IPO11: variants seen among roughly 807,000 people sequenced by gnomAD.
IPO11 encodes the protein importin-11.
In IPO11, 66 loss-of-function variants were observed where a neutral mutation model predicts 143.2. That is an observed-to-expected ratio of 0.46 (90% confidence interval 0.38 to 0.57). The LOEUF (loss-of-function observed/expected upper bound fraction) is 0.57, where lower values mean the gene tolerates loss of function less well. Ranked by LOEUF, IPO11 falls within the 20% of genes least tolerant of loss-of-function variation. The pLI is 0.00. For synonymous variants in IPO11, 385 were observed against 377.8 expected, an observed-to-expected ratio of 1.02 and a Z score of -0.22; for missense variants, 1,026 against 1,141.0, an observed-to-expected ratio of 0.90 and a Z score of 1.45.
chr5:62,487,882 A>C, intron 13 of IPO11, 21 bp downstream of exon 13: 1 of 1,592,902 alleles, frequency 6.3e-7, no homozygotes, highest in Non-Finnish European at 8.6e-7. Context: ...TTTTGTGATT[A>C]ACTTTGAGTT....
At chr5:62,504,921 AT>A (rs759499855) in intron 18 of IPO11, 23 bp downstream of exon 18, 85 of 1,419,752 alleles carry the variant, frequency 6.0e-5, no homozygotes, top group Non-Finnish European at 6.7e-5. Context: ...ATTTCCAGGT[AT>A]TTTTTTTAAA....
At chr5:62,472,287 CT>C (rs529700258) in intron 7 of IPO11, among the ~76,000 whole-genome samples, 8 of 152,028 alleles carry the variant, frequency 5.3e-5, no homozygotes, top group African/African-American at 1.9e-4. Context: ...TTATGTTTAT[CT>C]TTTTTTAAGT....
chr5:62,530,881 A>G (rs2112313346), intron 22 of IPO11, 96 bp downstream of exon 22: 1 of 892,300 alleles, frequency 1.1e-6, no homozygotes, highest in Non-Finnish European at 1.8e-6. Flanking sequence ...CAAAGTTGTA[A>G]GTTCAACTTC....
chr5:62,550,430 C>T lies in IPO11; in HGVS notation c.2314C>T (p.Pro772Ser). The T allele has an allele frequency of 1.2e-6, 2 of 1,612,804 alleles. No individual in the cohort carries two copies. Among genetic ancestry groups the T allele is most frequent in the Non-Finnish European group, 1.7e-6 (2 of 1,179,242 alleles). The change falls in exon 25 of 30, where the codon CCC becomes TCC. Residue 772 changes from proline (P) to serine (S), a missense_variant. By Grantham distance (74) the Pro-to-Ser change is moderately conservative. This residue lies in a region of IPO11 where 351 missense variants were observed against 358.9 expected (regional missense o/e 0.98). Transcript: ENST00000325324. ...LGPQMFQPIL[P>S]YVFKGIIEGE... is the part of the protein sequence containing the mutation. ...TCCACAAATGTTTCAACCGATTTTA[C>T]CCTATGTTTTCAAGGGTATTATAGA... is the stretch of plus-strand genomic sequence containing the variant.
intron 27 of IPO11, among the ~76,000 whole-genome samples, chr5:62,590,082 A>G (rs1283896040): frequency 1.3e-5 from 2 of 152,232 alleles, no homozygotes; most frequent in African/African-American, 4.8e-5. Context: ...TTTAGCCGCT[A>G]GCAGCTGTGG....
At chr5:62,579,867 G>A in intron 27 of IPO11, 9 of 1,549,650 alleles carry the variant, frequency 5.8e-6, no homozygotes, top group African/African-American at 1.4e-5. Flanking sequence ...AGTATAATCA[G>A]GTATCTTTTG....
At chr5:62,557,902 C>T (rs536536254) in intron 26 of IPO11, among the ~76,000 whole-genome samples, 6 of 152,314 alleles carry the variant, frequency 3.9e-5, no homozygotes, top group African/African-American at 9.6e-5. Flanking sequence ...GCCTTCTCTC[C>T]TCAGGCTTTT....
chr5:62,553,174 T>C (rs1054542141), intron 26 of IPO11, among the ~76,000 whole-genome samples: 2 of 152,222 alleles, frequency 1.3e-5, no homozygotes, highest in African/African-American at 4.8e-5. Context: ...GAGGTCATCT[T>C]TTTTAGCTTC....
At chr5:62,561,366 T>A in intron 27 of IPO11, 109 bp downstream of exon 27, 1 of 502,580 alleles carries the variant, frequency 2.0e-6, no homozygotes, top group Non-Finnish European at 3.1e-6. Context: ...CTTTTATATA[T>A]ATGGATGTGA....
At chr5:62,416,901 T>G (rs1419007015) in intron 1 of IPO11, among the ~76,000 whole-genome samples, 1 of 151,824 alleles carries the variant, frequency 6.6e-6, no homozygotes, top group African/African-American at 2.4e-5. Context: ...GGCTAATTTT[T>G]GAATTTTTTT....
At chr5:62,598,774 A>ACCTCAAGTGATCTGCTTGCCACAGAC (rs1447670481) in intron 28 of IPO11, among the ~76,000 whole-genome samples, 1 of 151,232 alleles carries the variant, frequency 6.6e-6, no homozygotes, top group Non-Finnish European at 1.5e-5. Context: ...TGAACTCCTG[A>ACCTCAAGTGATCTGCTTGCCACAGAC]CCTCAAGTGA....
At chr5:62,454,850 A>G (rs1284227828) in intron 5 of IPO11, among the ~76,000 whole-genome samples, 1 of 152,138 alleles carries the variant, frequency 6.6e-6, no homozygotes, top group Non-Finnish European at 1.5e-5. Flanking sequence ...AGAACAGGAG[A>G]CTTATTCTTA....
chr5:62,431,383 G>GA (rs397818422), intron 1 of IPO11, among the ~76,000 whole-genome samples: 1 of 150,462 alleles, frequency 6.6e-6, no homozygotes, highest in Non-Finnish European at 1.5e-5. Context: ...AAATTCCAGG[G>GA]CAATTTTTTG....
At chr5:62,507,055 G>A (rs1741577597) in intron 19 of IPO11, among the ~76,000 whole-genome samples, 2 of 152,170 alleles carry the variant, frequency 1.3e-5, no homozygotes, top group Admixed American at 1.3e-4. Context: ...TAAAGCAGTT[G>A]ATGAGAATAG....
At chr5:62,557,900 T>G (rs1310538957) in intron 26 of IPO11, among the ~76,000 whole-genome samples, 1 of 152,240 alleles carries the variant, frequency 6.6e-6, no homozygotes, top group Non-Finnish European at 1.5e-5. Context: ...CTGCCTTCTC[T>G]CCTCAGGCTT....
intron 15 of IPO11, among the ~76,000 whole-genome samples, chr5:62,493,727 C>T (rs1476120876): frequency 3.3e-5 from 5 of 152,140 alleles, no homozygotes; most frequent in Non-Finnish European, 7.4e-5. Flanking sequence ...TGCCACCACG[C>T]CCTGCTAATT....
chr5:62,522,251 T>C (rs1325219790), intron 20 of IPO11, among the ~76,000 whole-genome samples: 1 of 151,430 alleles, frequency 6.6e-6, no homozygotes, highest in Non-Finnish European at 1.5e-5. Context: ...AGGGATTGTG[T>C]GTGTGGTGTG....
At chr5:62,418,539 T>A (rs921028195) in intron 1 of IPO11, among the ~76,000 whole-genome samples, 2 of 152,216 alleles carry the variant, frequency 1.3e-5, no homozygotes, top group Non-Finnish European at 2.9e-5. Context: ...TTCATATAGT[T>A]AATAGCATTA....
intron 16 of IPO11, among the ~76,000 whole-genome samples, chr5:62,496,573 A>G (rs1242759389): frequency 6.6e-6 from 1 of 152,220 alleles, no homozygotes; most frequent in Non-Finnish European, 1.5e-5. Context: ...AAAATCAAGA[A>G]TGTATAAGTC....
Sources: gnomAD v4.1 joint callset for allele counts (sites outside exome capture counted in the v4.1 genomes callset) on GRCh38, gnomAD v4.1.1 for gene constraint, gnomAD v4.1.1 regional missense constraint, MANE v1.5 for transcripts, NCBI Gene and HGNC (gene_info 2026-07-23, HGNC 2026-07-21) for gene names.